TNFSF4: variants seen among roughly 807,000 people sequenced by gnomAD.
The protein encoded by TNFSF4 is tumor necrosis factor ligand superfamily member 4.
A neutral mutation model predicts 7.3 loss-of-function variants in TNFSF4; 4 were observed. That is an observed-to-expected ratio of 0.55 (90% CI 0.27 to 1.25). TNFSF4 has a LOEUF of 1.25. Ranked by LOEUF, TNFSF4 falls within the 50% of genes most tolerant of loss-of-function variation. The probability of loss-of-function intolerance (pLI) is 0.12; values close to 1 mark genes in which losing one functional copy is unlikely to be tolerated. For missense variants in TNFSF4, 181 were observed against 208.8 expected (o/e 0.87, Z 0.82); for synonymous variants, 76 against 83.7 (o/e 0.91, Z 0.50).
the TNFSF4 span, among the ~76,000 whole-genome samples, chr1:173,334,471 G>T: frequency 3.9e-5 from 6 of 152,198 alleles, no homozygotes; most frequent in Non-Finnish European, 7.3e-5. Context: ...TTCTATATTT[G>T]CCCTAACAGA....
At chr1:173,316,494 A>C in the TNFSF4 span, among the ~76,000 whole-genome samples, 1 of 152,110 alleles carries the variant, frequency 6.6e-6, no homozygotes, top group Non-Finnish European at 1.5e-5. Flanking sequence ...TTAGATCTAG[A>C]AGAAAACTTG....
chr1:173,325,706 T>C, the TNFSF4 span, among the ~76,000 whole-genome samples: 2 of 152,098 alleles, frequency 1.3e-5, no homozygotes, highest in Admixed American at 1.3e-4. Flanking sequence ...CCCACAGAAA[T>C]ACAAACTACC....
chr1:173,344,744 T>C, the TNFSF4 span, among the ~76,000 whole-genome samples: 10 of 152,202 alleles, frequency 6.6e-5, no homozygotes, highest in Non-Finnish European at 1.0e-4. Flanking sequence ...CCAAGTTCAT[T>C]ACGAGAGGAC....
the TNFSF4 span, among the ~76,000 whole-genome samples, chr1:173,328,609 C>G: frequency 6.6e-6 from 1 of 150,644 alleles, no homozygotes; most frequent in African/African-American, 2.4e-5. Flanking sequence ...GTGCAGCAAA[C>G]CACCATGGCA....
the TNFSF4 span, among the ~76,000 whole-genome samples, chr1:173,338,106 G>A: frequency 7.9e-5 from 12 of 152,228 alleles, no homozygotes; most frequent in East Asian, 3.9e-4. Flanking sequence ...AACCACTGCC[G>A]ACTTCACAAT....
the TNFSF4 span, among the ~76,000 whole-genome samples, chr1:173,300,890 C>T: frequency 6.6e-6 from 1 of 151,708 alleles, no homozygotes; most frequent in African/African-American, 2.4e-5. Context: ...TACTTAGGTG[C>T]CTTTATCAGG....
At chr1:173,320,056 T>C in the TNFSF4 span, among the ~76,000 whole-genome samples, 1 of 152,178 alleles carries the variant, frequency 6.6e-6, no homozygotes, top group Non-Finnish European at 1.5e-5. Context: ...CCAATATCCC[T>C]GATGAACATG....
chr1:173,211,593 T>C (rs1478001398), upstream of TNFSF4, among the ~76,000 whole-genome samples: 4 of 152,280 alleles, frequency 2.6e-5, no homozygotes, highest in East Asian at 7.7e-4. Context: ...TCTCCCTCTA[T>C]TTTCTGATTA....
chr1:173,355,587 C>T, the TNFSF4 span, among the ~76,000 whole-genome samples: 2 of 152,332 alleles, frequency 1.3e-5, no homozygotes, highest in South Asian at 2.1e-4. Flanking sequence ...CCACCCATTT[C>T]CCTCTCAGCT....
chr1:173,378,885 C>G, the TNFSF4 span, among the ~76,000 whole-genome samples: 2 of 120,864 alleles, frequency 1.7e-5, no homozygotes, highest in Non-Finnish European at 3.7e-5. Flanking sequence ...CCTCCCCCCC[C>G]ACCACAGGCT....
At chr1:173,217,853 G>C in the TNFSF4 span, among the ~76,000 whole-genome samples, 3 of 151,918 alleles carry the variant, frequency 2.0e-5, no homozygotes, top group Non-Finnish European at 2.9e-5. Flanking sequence ...GGGCTTAAGC[G>C]TCCTCCCACC....
At chr1:173,377,766 A>G in the TNFSF4 span, among the ~76,000 whole-genome samples, 2 of 152,200 alleles carry the variant, frequency 1.3e-5, no homozygotes, top group Admixed American at 1.3e-4. Context: ...GTGGGGCACT[A>G]TCTTATCTGG....
chr1:173,269,149 C>A, the TNFSF4 span, among the ~76,000 whole-genome samples: 1 of 152,032 alleles, frequency 6.6e-6, no homozygotes, highest in Non-Finnish European at 1.5e-5. Context: ...AATGTAATTT[C>A]TAAAAGCTCT....
At position 173,184,360 on chromosome 1, in the gene TNFSF4, A is replaced by G. The variant is rs1191874969; in HGVS notation, c.*2156T>C. On this transcript the variant is annotated 3_prime_UTR_variant, in exon 3 of 3. Transcript: ENST00000281834. ...CTTACAGGGACTGAGACACACACACATATTTTTGATGGAAGGAAGGTGGAG... is the reference window on the plus strand; with the variant it reads ...CTTACAGGGACTGAGACACACACACGTATTTTTGATGGAAGGAAGGTGGAG... 1 of 152,224 alleles carries G rather than the reference A, an allele frequency of 6.6e-6. No homozygotes were observed. Among genetic ancestry groups the G allele is most frequent in the East Asian group, 1.9e-4 (1 of 5,192 alleles). The allele number at this position is 152,224 out of a possible 1,614,324, so 9.4% of individuals were successfully genotyped here.
At chr1:173,446,309 T>C in the TNFSF4 span, among the ~76,000 whole-genome samples, 2 of 152,200 alleles carry the variant, frequency 1.3e-5, no homozygotes, top group African/African-American at 2.4e-5. Context: ...ATTTTTAACA[T>C]ACAATCCAGC....
chr1:173,311,910 G>A, the TNFSF4 span, among the ~76,000 whole-genome samples: 3 of 152,096 alleles, frequency 2.0e-5, no homozygotes, highest in Non-Finnish European at 2.9e-5. Flanking sequence ...CTTCTTTTTG[G>A]TGGTTACTTT....
chr1:173,208,871 T>C (rs781766199), upstream of TNFSF4, among the ~76,000 whole-genome samples: 3 of 147,186 alleles, frequency 2.0e-5, no homozygotes, highest in Non-Finnish European at 3.0e-5. Context: ...AAGCCATAAA[T>C]ACTATTGGAA....
the TNFSF4 span, among the ~76,000 whole-genome samples, chr1:173,409,449 G>T: frequency 2.0e-4 from 30 of 152,210 alleles, no homozygotes; most frequent in African/African-American, 7.0e-4. Context: ...GTCCAGGAAT[G>T]ATACATTCAA....
chr1:173,335,824 T>C, the TNFSF4 span, among the ~76,000 whole-genome samples: 2 of 152,164 alleles, frequency 1.3e-5, no homozygotes, highest in Non-Finnish European at 2.9e-5. Context: ...TCTACCAGCC[T>C]TCCCTAAAGT....
Sources: allele counts gnomAD v4.1 joint callset (sites outside exome capture counted in the v4.1 genomes callset), GRCh38; gene constraint gnomAD v4.1.1; transcripts MANE v1.5; gene names NCBI Gene and HGNC (gene_info 2026-07-23, HGNC 2026-07-21).